TRDN: variants seen among roughly 807,000 people sequenced by gnomAD.
TRDN encodes the protein triadin in skeletal muscle.
TRDN carries 161 observed loss-of-function variants against 149.7 expected under a neutral mutation model. The ratio of observed to expected loss-of-function variants is 1.08; its 90% CI spans 0.95 to 1.23. The LOEUF (loss-of-function observed/expected upper bound fraction) is 1.23. TRDN is among the 50% of genes most tolerant of loss of function. TRDN has a pLI of 0.00. For missense variants in TRDN, 896 were observed against 823.5 expected (o/e 1.09, Z -1.08); for synonymous variants, 294 against 250.5 (o/e 1.17, Z -1.64).
intron 19 of TRDN, among the ~76,000 whole-genome samples, chr6:123,373,485 C>T (rs1334011508): frequency 6.6e-6 from 1 of 152,120 alleles, no homozygotes; most frequent in Non-Finnish European, 1.5e-5. Flanking sequence ...ATGCTCTATT[C>T]TGAAGGTGAT....
At chr6:123,497,552 C>T (rs1372955585) in intron 8 of TRDN, among the ~76,000 whole-genome samples, 1 of 152,024 alleles carries the variant, frequency 6.6e-6, no homozygotes, top group Non-Finnish European at 1.5e-5. Context: ...TAATTGATTA[C>T]AAAAGTCATC....
At position 123,590,874 on chromosome 6, in the gene TRDN, C is replaced by T. The variant is rs1357181033; in HGVS notation, c.23-19742G>A. Among the ~76,000 whole-genome samples the T allele has an allele frequency of 1.3e-5, 2 of 152,182 alleles. 1 individual carries two copies. The highest frequency in any genetic ancestry group is 4.8e-5 in the African/African-American group (2 of 41,458). ...CTGCCCTGGCCTGTGGAAAAATTGTCTTCCACAAAACTGGTCTCTGGTGCC... is the reference window on the plus strand; with the variant it reads ...CTGCCCTGGCCTGTGGAAAAATTGTTTTCCACAAAACTGGTCTCTGGTGCC... On this transcript the variant is annotated intron_variant, in intron 1 of 40. Coordinates refer to ENST00000334268, the MANE Select transcript of TRDN (RefSeq NM_006073.4).
intron 5 of TRDN, among the ~76,000 whole-genome samples, chr6:123,525,511 G>A (rs116598678): frequency 0.035 from 5,338 of 151,934 alleles, 311 homozygotes; most frequent in African/African-American, 0.12. Flanking sequence ...ACATAAAGAC[G>A]GAAATAACAG....
chr6:123,562,160 C>A (rs927578326), intron 2 of TRDN, among the ~76,000 whole-genome samples: 2 of 152,124 alleles, frequency 1.3e-5, no homozygotes, highest in Non-Finnish European at 2.9e-5. Context: ...CCTGCCCCTG[C>A]CCGCCAGAGA....
chr6:123,403,916 A>T (rs1482434391), intron 12 of TRDN, among the ~76,000 whole-genome samples: 1 of 152,196 alleles, frequency 6.6e-6, no homozygotes, highest in Non-Finnish European at 1.5e-5. Context: ...GGAAAATGGG[A>T]CAAGATATTT....
intron 1 of TRDN, among the ~76,000 whole-genome samples, chr6:123,630,097 T>G (rs371278471): frequency 1.1e-3 from 166 of 152,098 alleles, no homozygotes; most frequent in African/African-American, 3.8e-3. Flanking sequence ...GAGCCTGAAC[T>G]CCGTAAAGTC....
intron 9 of TRDN, among the ~76,000 whole-genome samples, chr6:123,481,850 A>G (rs1777764025): frequency 6.6e-6 from 1 of 152,150 alleles, no homozygotes; most frequent in Non-Finnish European, 1.5e-5. Flanking sequence ...CTTTCTCATT[A>G]TCCTTAAATG....
At chr6:123,327,306 C>A (rs1779493829) in intron 23 of TRDN, among the ~76,000 whole-genome samples, 1 of 151,956 alleles carries the variant, frequency 6.6e-6, no homozygotes, top group Non-Finnish European at 1.5e-5. Context: ...TTTGGTCAGG[C>A]AATTCCACCT....
chr6:123,373,767 C>T (rs1343219030), intron 19 of TRDN, among the ~76,000 whole-genome samples: 3 of 152,178 alleles, frequency 2.0e-5, no homozygotes, highest in African/African-American at 7.2e-5. Context: ...CTATCATTCT[C>T]ATTTGACCTC....
At chr6:123,447,974 G>A (rs1388303631) in intron 10 of TRDN, among the ~76,000 whole-genome samples, 2 of 152,146 alleles carry the variant, frequency 1.3e-5, no homozygotes, top group Admixed American at 6.5e-5. Flanking sequence ...CACCCCCACT[G>A]TAGAAAATGA....
intron 27 of TRDN, among the ~76,000 whole-genome samples, chr6:123,274,121 A>G (rs1400402695): frequency 1.3e-5 from 2 of 152,116 alleles, no homozygotes; most frequent in African/African-American, 4.8e-5. Flanking sequence ...TTCAGATATT[A>G]AGTATAGGTA....
chr6:123,448,576 G>A (rs1434861920), intron 10 of TRDN, among the ~76,000 whole-genome samples: 1 of 151,954 alleles, frequency 6.6e-6, no homozygotes, highest in East Asian at 1.9e-4. Flanking sequence ...AGCAGCTACA[G>A]CAAGACCCAC....
chr6:123,584,618 A>G (rs1051506685), intron 1 of TRDN, among the ~76,000 whole-genome samples: 4 of 152,048 alleles, frequency 2.6e-5, no homozygotes, highest in Non-Finnish European at 5.9e-5. Flanking sequence ...ATGAGGATGA[A>G]ATTTGGGCTT....
intron 9 of TRDN, among the ~76,000 whole-genome samples, chr6:123,467,041 C>T (rs4428524): frequency 0.17 from 25,814 of 151,874 alleles, 2,372 homozygotes; most frequent in South Asian, 0.28. Context: ...AAAGTTATTA[C>T]TTTATTTAAA....
chr6:123,266,687 A>AATAT lies in TRDN; in HGVS notation c.1783+1016_1783+1019dup, dbSNP rs1777010120. 1.9e-5 allele frequency among the ~76,000 whole-genome samples: 2 copies of AATAT among 103,334 alleles called. 1 individual carries two copies. Among genetic ancestry groups the AATAT allele is most frequent in the Admixed American group, 3.1e-4 (2 of 6,514 alleles). 67.8% of individuals were successfully genotyped at this position (103,334 alleles called of 152,430 possible). On this transcript the variant is annotated intron_variant, in intron 32 of 40. Transcript: ENST00000334268. Reference sequence around the variant, plus strand: ...TATGTATATATTATAATATATATGTAATATATTATAATATGTATTATATAT... The same window carrying AATAT: ...TATGTATATATTATAATATATATGTAATATATATATTATAATATGTATTATATAT...
intron 14 of TRDN, among the ~76,000 whole-genome samples, chr6:123,384,093 C>G (rs1781819401): frequency 6.6e-6 from 1 of 152,100 alleles, no homozygotes; most frequent in African/African-American, 2.4e-5. Context: ...AACATATGTG[C>G]TTTGCAAACA....
At chr6:123,403,166 C>T (rs1301807840) in intron 12 of TRDN, among the ~76,000 whole-genome samples, 2 of 152,000 alleles carry the variant, frequency 1.3e-5, no homozygotes, top group African/African-American at 4.8e-5. Flanking sequence ...AAGAAAAATC[C>T]AAATGTTGAT....
Position 123,230,666 on chromosome 6 carries a change from T to C in TRDN, c.1976-6535A>G, listed in dbSNP as rs137863770. Reference sequence around the variant, plus strand: ...TACTAGAAACATATTCATAGCATTTTTCATAGATGGTTGGAATCTCAGTTT... The same window carrying C: ...TACTAGAAACATATTCATAGCATTTCTCATAGATGGTTGGAATCTCAGTTT... On this transcript the variant is annotated intron_variant, in intron 38 of 40. Coordinates refer to ENST00000334268, the MANE Select transcript of TRDN (RefSeq NM_006073.4). 3.1e-4 allele frequency among the ~76,000 whole-genome samples: 47 copies of C among 152,114 alleles called. No individual in the cohort carries two copies. The East Asian group carries it at 6.4e-3, about 21-fold the overall frequency.
In TRDN at chr6:123,391,472, G is replaced by A. The variant is rs992763441; in HGVS notation, c.1105+2152C>T. On this transcript the variant is annotated intron_variant, in intron 13 of 40. Coordinates refer to ENST00000334268, the MANE Select transcript of TRDN (RefSeq NM_006073.4). ...ATGTCATTGCCACCATCCTAGTTGA[G>A]GTTATTGTCTCATGTCTTAATAGAA... 3.2e-4 allele frequency among the ~76,000 whole-genome samples: 48 copies of A among 151,610 alleles called. 1 individual carries two copies. The highest frequency in any genetic ancestry group is 1.0e-3 in the African/African-American group (42 of 41,252).
Sources: gnomAD v4.1 joint callset for allele counts (sites outside exome capture counted in the v4.1 genomes callset) on GRCh38, gnomAD v4.1.1 for gene constraint, MANE v1.5 for transcripts, NCBI Gene and HGNC (gene_info 2026-07-23, HGNC 2026-07-21) for gene names.